Variants in CHAF1A observed in about 807,000 individuals in gnomAD.
CHAF1A encodes chromatin assembly factor 1 subunit A.
CHAF1A carries 5 observed loss-of-function variants against 93.2 expected under a neutral mutation model. The ratio of observed to expected loss-of-function variants is 0.05; its 90% CI spans 0.03 to 0.11. CHAF1A has a LOEUF of 0.11. CHAF1A is among the 10% of genes least tolerant of loss of function. The pLI, the probability that CHAF1A is intolerant of heterozygous loss-of-function variation, is 1.00. For missense variants in CHAF1A, 1,102 were observed against 1,259.9 expected (o/e 0.87, Z 1.90); for synonymous variants, 504 against 510.3 (o/e 0.99, Z 0.17).
chr19:4,411,314 C>T (rs1354173883), intron 3 of CHAF1A, among the ~76,000 whole-genome samples: 2 of 152,134 alleles, frequency 1.3e-5, no homozygotes, highest in Non-Finnish European at 2.9e-5. Context: ...ACTGCAACCT[C>T]CGCCTCTTGG....
At chr19:4,403,369 TG>T (rs1973621950) in intron 1 of CHAF1A, among the ~76,000 whole-genome samples, 1 of 152,156 alleles carries the variant, frequency 6.6e-6, no homozygotes, top group South Asian at 2.1e-4. Flanking sequence ...TGCCTTGGAA[TG>T]GGGTCTTTGG....
At chr19:4,431,930 C>T (rs757738758) in intron 11 of CHAF1A, 22 bp from the exon 12 acceptor site, 5 of 1,582,112 alleles carry the variant, frequency 3.2e-6, no homozygotes, top group East Asian at 2.3e-5. Context: ...CCCAAATAAA[C>T]TTCTGCTTTC....
At position 4,422,915 on chromosome 19, in the gene CHAF1A, AT is replaced by A; in HGVS notation, c.1247+123del. ...TGGCGGCTCCCTTCAGTTCCTTCCC[AT>A]TTCTCCTTCGTGAGGTGCCCGTGGG... On this transcript the variant is annotated intron_variant, in intron 5 of 14. Coordinates refer to ENST00000301280, the MANE Select transcript of CHAF1A (RefSeq NM_005483.3). The surrounding 1 kb of genome is among the most constrained non-coding windows in gnomAD (Gnocchi z 4.6). 1 of 972,562 alleles carries A rather than the reference AT, an allele frequency of 1.0e-6. No homozygotes were observed. Among genetic ancestry groups the A allele is most frequent in the African/African-American group, 1.6e-5 (1 of 60,868 alleles). 60.2% of individuals were successfully genotyped at this position (972,562 alleles called of 1,614,324 possible).
chr19:4,405,330 A>T (rs1057260524), intron 1 of CHAF1A, among the ~76,000 whole-genome samples: 1 of 152,172 alleles, frequency 6.6e-6, no homozygotes, highest in East Asian at 1.9e-4. Flanking sequence ...TTCTCAACCT[A>T]TTAACATTTT....
intron 3 of CHAF1A, among the ~76,000 whole-genome samples, chr19:4,413,315 C>G (rs1026464662): frequency 4.6e-5 from 7 of 152,090 alleles, no homozygotes; most frequent in African/African-American, 1.7e-4. Flanking sequence ...CGTGATCCGC[C>G]CGCCTCGGCC....
chr19:4,444,129 G>A (rs561541020), downstream of CHAF1A, among the ~76,000 whole-genome samples: 178 of 152,312 alleles, frequency 1.2e-3, no homozygotes, highest in Non-Finnish European at 2.0e-3. Context: ...ATCAGGTCCT[G>A]GGGCCTGCAG....
In CHAF1A at chr19:4,443,027, A is replaced by G. The variant is rs1382239342; in HGVS notation, c.*2A>G. On this transcript the variant is annotated 3_prime_UTR_variant, in exon 15 of 15. Transcript: ENST00000301280. ...GCGAGCCCACTGGGTGCATCCTGAG[A>G]GCAGGGGTGACGTATGTAGAATGCT... 6.4e-7 allele frequency: 1 copy of G among 1,565,078 alleles called. No individual in the cohort carries two copies. Among genetic ancestry groups the G allele is most frequent in the Admixed American group, 1.8e-5 (1 of 54,248 alleles).
intron 7 of CHAF1A, among the ~76,000 whole-genome samples, chr19:4,425,393 C>T (rs192442273): frequency 1.4e-4 from 22 of 152,244 alleles, no homozygotes; most frequent in African/African-American, 4.6e-4. Flanking sequence ...GCTGGGATTA[C>T]AGGTGCCTGC....
chr19:4,411,971 G>A (rs1973813588), intron 3 of CHAF1A, among the ~76,000 whole-genome samples: 2 of 151,904 alleles, frequency 1.3e-5, no homozygotes, highest in Admixed American at 1.3e-4. Flanking sequence ...TATATGTGCT[G>A]GTTTGTTATA....
rs180854868 is a variant in CHAF1A, at chr19:4,431,907, G to T, written c.1948-45G>T. The stretch of plus-strand genomic sequence containing the variant: ...TTCCTCAAAAGAGTGCCCGGGCATA[G>T]GGGAGCAAGAACCCCAAATAAACTT... On this transcript the variant is annotated intron_variant, in intron 11 of 14. Coordinates refer to ENST00000301280, the MANE Select transcript of CHAF1A (RefSeq NM_005483.3). The T allele has an allele frequency of 4.2e-4, 659 of 1,561,882 alleles. 2 individuals are homozygous for T. The highest frequency in any genetic ancestry group is 6.3e-5 in the Non-Finnish European group (72 of 1,149,284).
chr19:4,447,615 T>G (rs760071185), downstream of CHAF1A: 11 of 1,613,778 alleles, frequency 6.8e-6, no homozygotes, highest in Non-Finnish European at 9.3e-6. Context: ...AGGTGGATGT[T>G]GTCCAGGTAC....
intron 14 of CHAF1A, 110 bp downstream of exon 14, chr19:4,442,451 G>T: frequency 1.1e-6 from 1 of 935,600 alleles, no homozygotes; most frequent in South Asian, 1.5e-5. Context: ...TGAGCAGCCA[G>T]GAGGGCTTGC....
At chr19:4,410,704 A>T (rs190416158) in intron 3 of CHAF1A, among the ~76,000 whole-genome samples, 1 of 152,324 alleles carries the variant, frequency 6.6e-6, no homozygotes, top group East Asian at 1.9e-4. Context: ...TTTAAAAGTT[A>T]TCCAGGCATG....
chr19:4,448,671 G>A (rs1974592839), downstream of CHAF1A: 2 of 528,100 alleles, frequency 3.8e-6, no homozygotes, highest in African/African-American at 1.9e-5. Context: ...TAGATCCATG[G>A]GACTTGGAAG....
chr19:4,414,096 C>G (rs1052894729), intron 3 of CHAF1A, among the ~76,000 whole-genome samples: 2 of 152,104 alleles, frequency 1.3e-5, no homozygotes, highest in African/African-American at 4.8e-5. Flanking sequence ...GTAATAAATT[C>G]TCCATGTTTA....
At chr19:4,423,970 TAGGA>T (rs1478111131) in intron 7 of CHAF1A, 96 bp downstream of exon 7, 1 of 1,190,326 alleles carries the variant, frequency 8.4e-7, no homozygotes, top group Non-Finnish European at 1.2e-6. Context: ...CTTCTCTCAT[TAGGA>T]GGGAGGGAGC....
downstream of CHAF1A, chr19:4,446,911 T>A: frequency 6.2e-7 from 1 of 1,613,882 alleles, no homozygotes; most frequent in African/African-American, 1.3e-5. Flanking sequence ...TCCAGGCAGT[T>A]AATGCGCTCC....
rs551970206 is a variant in CHAF1A at position 4,428,282 on chromosome 19, G to A, written c.1378-382G>A. On this transcript the variant is annotated intron_variant, in intron 7 of 14. Transcript: ENST00000301280. ...GGTGGGATTACAGGCATGAGCCACT[G>A]CCCCCGGCCTTTTTTTTTTTTTTTT... Among the ~76,000 whole-genome samples, 34 of 147,540 alleles carry A rather than the reference G, an allele frequency of 2.3e-4. No individual in the cohort carries two copies. The South Asian group carries it at 5.6e-3, about 24-fold the overall frequency.
intron 13 of CHAF1A, among the ~76,000 whole-genome samples, chr19:4,441,523 G>A (rs1011872813): frequency 2.0e-5 from 3 of 151,810 alleles, no homozygotes; most frequent in South Asian, 2.1e-4. Flanking sequence ...AACGAGAATC[G>A]CTTGAACCCG....
Sources: allele counts gnomAD v4.1 joint callset (sites outside exome capture counted in the v4.1 genomes callset), GRCh38; gene constraint gnomAD v4.1.1; non-coding constraint Gnocchi (gnomAD v3.1); transcripts MANE v1.5; gene names NCBI Gene and HGNC (gene_info 2026-07-23, HGNC 2026-07-21).